Variants in CNTNAP5 observed in about 807,000 individuals in gnomAD.
CNTNAP5 encodes contactin-associated protein-like 5.
In CNTNAP5, 72 loss-of-function variants were observed where a neutral mutation model predicts 150.2. That is an observed-to-expected ratio of 0.48 (90% CI 0.40 to 0.58). The LOEUF is 0.58. Among genes scored for constraint, CNTNAP5 ranks in the 20% least tolerant of loss-of-function variants. The probability of loss-of-function intolerance (pLI) is 0.00; values close to 1 mark genes in which losing one functional copy is unlikely to be tolerated. For synonymous variants in CNTNAP5, 672 were observed against 619.8 expected, an observed-to-expected ratio of 1.08 and a Z score of -1.25; for missense variants, 1,636 against 1,626.2, an observed-to-expected ratio of 1.01 and a Z score of -0.10.
rs1553435821 is a variant in CNTNAP5 at position 124,084,924 on chromosome 2, G to GTTTTTTTTTGTT, written c.82+59201_82+59202insGTTTTTTTTTTT. Among the ~76,000 whole-genome samples the GTTTTTTTTTGTT allele has an allele frequency of 2.2e-5, 2 of 89,980 alleles. 1 individual carries two copies. Among genetic ancestry groups the GTTTTTTTTTGTT allele is most frequent in the Non-Finnish European group, 4.0e-5 (2 of 50,098 alleles). The allele number at this position is 89,980 out of a possible 152,430, so 59.0% of individuals were successfully genotyped here. Reference sequence around the variant, plus strand: ...TAAAAATTATGAATTCAAGTTTCCTGTTTTTTTTTTTTTTTGAGACGGAGT... The same window carrying GTTTTTTTTTGTT: ...TAAAAATTATGAATTCAAGTTTCCTGTTTTTTTTTGTTTTTTTTTTTTTTTTTGAGACGGAGT... On this transcript the variant is annotated intron_variant, in intron 1 of 23. Transcript: ENST00000682447.
At chr2:124,344,830 C>G (rs538929469) in intron 3 of CNTNAP5, among the ~76,000 whole-genome samples, 2 of 152,138 alleles carry the variant, frequency 1.3e-5, no homozygotes, top group Non-Finnish European at 2.9e-5. Context: ...GAATAATCTT[C>G]TTTGATTTCA....
At chr2:124,260,885 G>T (rs189602693) in intron 3 of CNTNAP5, among the ~76,000 whole-genome samples, 1 of 152,066 alleles carries the variant, frequency 6.6e-6, no homozygotes, top group Admixed American at 6.6e-5. Flanking sequence ...ATAGACACAC[G>T]TACACAAATG....
chr2:124,895,316 G>C (rs1678280759), intron 21 of CNTNAP5, among the ~76,000 whole-genome samples: 1 of 151,506 alleles, frequency 6.6e-6, no homozygotes, highest in Non-Finnish European at 1.5e-5. Flanking sequence ...CCCAACTTCT[G>C]TGTCCAAGGT....
intron 4 of CNTNAP5, among the ~76,000 whole-genome samples, chr2:124,419,146 A>AAAAAAAAAAAAAAAAAAC (rs1692011623): frequency 7.4e-6 from 1 of 134,506 alleles, no homozygotes; most frequent in Non-Finnish European, 1.6e-5. Flanking sequence ...TTCTCAAAAA[A>AAAAAAAAAAAAAAAAAAC]AAAAAAAAAA....
chr2:124,348,891 A>G (rs1689803604), intron 3 of CNTNAP5, among the ~76,000 whole-genome samples: 1 of 152,082 alleles, frequency 6.6e-6, no homozygotes, highest in Admixed American at 6.5e-5. Flanking sequence ...TCTATTATCT[A>G]TGTATAATTC....
chr2:124,805,651 C>T (rs1437915622), intron 19 of CNTNAP5, among the ~76,000 whole-genome samples: 2 of 152,340 alleles, frequency 1.3e-5, no homozygotes, highest in Non-Finnish European at 2.9e-5. Flanking sequence ...TTAATACCTA[C>T]TGTCTCAGTT....
chr2:124,070,743 A>G (rs757505946), intron 1 of CNTNAP5, among the ~76,000 whole-genome samples: 1 of 152,080 alleles, frequency 6.6e-6, no homozygotes, highest in East Asian at 1.9e-4. Context: ...CTTCAATACA[A>G]TAAGAGATGG....
intron 13 of CNTNAP5, among the ~76,000 whole-genome samples, chr2:124,695,127 A>T (rs1049044640): frequency 6.6e-6 from 1 of 152,174 alleles, no homozygotes; most frequent in Non-Finnish European, 1.5e-5. Context: ...AAAACAATAC[A>T]TCAGGCCATG....
At chr2:124,296,578 A>G (rs1688436465) in intron 3 of CNTNAP5, among the ~76,000 whole-genome samples, 1 of 152,130 alleles carries the variant, frequency 6.6e-6, no homozygotes, top group South Asian at 2.1e-4. Context: ...ATGATACACC[A>G]CACTTTTGTC....
chr2:124,797,576 T>C (rs1408084259), intron 18 of CNTNAP5, among the ~76,000 whole-genome samples: 3 of 152,208 alleles, frequency 2.0e-5, no homozygotes, highest in Non-Finnish European at 2.9e-5. Flanking sequence ...CTTCATGATT[T>C]ACCAACATCA....
At chr2:124,391,829 G>T (rs1033112083) in intron 3 of CNTNAP5, among the ~76,000 whole-genome samples, 1 of 152,118 alleles carries the variant, frequency 6.6e-6, no homozygotes, top group Non-Finnish European at 1.5e-5. Flanking sequence ...GGTGGCGGGC[G>T]CCTGTAGTCC....
intron 21 of CNTNAP5, among the ~76,000 whole-genome samples, chr2:124,895,247 T>C (rs998819423): frequency 2.6e-5 from 4 of 151,728 alleles, no homozygotes; most frequent in Middle Eastern, 3.4e-3. Context: ...ATGGAAGACC[T>C]GTGAAGTGCC....
intron 6 of CNTNAP5, among the ~76,000 whole-genome samples, chr2:124,468,053 C>G (rs762894533): frequency 6.6e-6 from 1 of 152,094 alleles, no homozygotes; most frequent in Non-Finnish European, 1.5e-5. Context: ...TCATGCCATT[C>G]ACGAGTCCCA....
At chr2:124,827,641 A>AT (rs975373405) in intron 19 of CNTNAP5, among the ~76,000 whole-genome samples, 5 of 152,074 alleles carry the variant, frequency 3.3e-5, no homozygotes, top group African/African-American at 1.2e-4. Flanking sequence ...CCACTTACAT[A>AT]TTTTTTTGAT....
intron 3 of CNTNAP5, among the ~76,000 whole-genome samples, chr2:124,296,752 TCTC>T (rs1349795589): frequency 1.3e-5 from 2 of 152,156 alleles, no homozygotes; most frequent in African/African-American, 2.4e-5. Flanking sequence ...TATCATCCCT[TCTC>T]CTCAATACCC....
chr2:124,400,678 T>TGTG (rs199580528), intron 3 of CNTNAP5, among the ~76,000 whole-genome samples: 1 of 105,914 alleles, frequency 9.4e-6, no homozygotes, highest in Admixed American at 1.0e-4. Context: ...TGTTTTTTTT[T>TGTG]TTTTTTTTTT....
intron 1 of CNTNAP5, among the ~76,000 whole-genome samples, chr2:124,119,206 C>T (rs574266727): frequency 8.5e-5 from 13 of 152,240 alleles, no homozygotes; most frequent in African/African-American, 2.2e-4. Context: ...ACTCTCATCG[C>T]GTCACTGCTT....
intron 8 of CNTNAP5, among the ~76,000 whole-genome samples, chr2:124,510,325 C>CTATATA: frequency 1.2e-4 from 1 of 8,310 alleles, no homozygotes; most frequent in African/African-American, 2.8e-4. Context: ...ATATATCTAT[C>CTATATA]TATATATATA....
At chr2:124,548,300 A>C (rs1316733769) in intron 10 of CNTNAP5, among the ~76,000 whole-genome samples, 1 of 152,128 alleles carries the variant, frequency 6.6e-6, no homozygotes, top group Non-Finnish European at 1.5e-5. Flanking sequence ...ATTAACAACA[A>C]CCTGTGGCCA....
Sources: gnomAD v4.1 joint callset for allele counts (sites outside exome capture counted in the v4.1 genomes callset) on GRCh38, gnomAD v4.1.1 for gene constraint, MANE v1.5 for transcripts, NCBI Gene and HGNC (gene_info 2026-07-23, HGNC 2026-07-21) for gene names.